Variants in HTR3B observed in about 807,000 individuals in gnomAD.
HTR3B encodes the protein 5-hydroxytryptamine (serotonin) receptor 3B, ionotropic.
In HTR3B, 44 loss-of-function variants were observed where a neutral mutation model predicts 42.8. The observed-to-expected ratio is 1.03, with a 90% CI of 0.81 to 1.32. The LOEUF is 1.32. Ranked by LOEUF, HTR3B falls within the 40% of genes most tolerant of loss-of-function variation. HTR3B has a pLI of 0.00. For missense variants in HTR3B, 527 were observed against 536.5 expected (o/e 0.98, Z 0.17); for synonymous variants, 203 against 209.0 (o/e 0.97, Z 0.25).
intron 2 of HTR3B, among the ~76,000 whole-genome samples, chr11:113,928,512 C>G (rs1949998337): frequency 6.6e-6 from 1 of 152,148 alleles, no homozygotes; most frequent in South Asian, 2.1e-4. Context: ...CAAGGTTCAT[C>G]CATGTTGTAA....
chr11:113,945,776 A>G, intron 8 of HTR3B, 126 bp from the exon 9 acceptor site: 2 of 691,766 alleles, frequency 2.9e-6, no homozygotes, highest in Non-Finnish European at 5.1e-6. Flanking sequence ...CCCAACCCAA[A>G]CACAACCCAC....
At chr11:113,932,203 TG>T in intron 4 of HTR3B, 85 bp from the exon 5 acceptor site, 1 of 1,111,510 alleles carries the variant, frequency 9.0e-7, no homozygotes, top group Non-Finnish European at 1.3e-6. Context: ...CTGGACCTCA[TG>T]GTCACTACCA....
intron 6 of HTR3B, 108 bp from the exon 7 acceptor site, chr11:113,942,874 T>C: frequency 1.2e-6 from 1 of 863,200 alleles, no homozygotes. Flanking sequence ...TTTTTCACAT[T>C]ATGCAAAAAC....
intron 2 of HTR3B, among the ~76,000 whole-genome samples, chr11:113,922,408 A>G (rs1464349206): frequency 6.6e-6 from 1 of 151,238 alleles, no homozygotes. Context: ...TAATTTTTGT[A>G]TTTTTTGTAG....
chr11:113,939,888 GT>G (rs60017270), intron 6 of HTR3B, among the ~76,000 whole-genome samples: 243 of 137,900 alleles, frequency 1.8e-3, no homozygotes, highest in Admixed American at 2.5e-3. Context: ...TCCCCTTGGT[GT>G]TTTTTTTTTT....
upstream of HTR3B, among the ~76,000 whole-genome samples, chr11:113,900,150 C>T (rs954179891): frequency 6.6e-6 from 1 of 151,870 alleles, no homozygotes; most frequent in Admixed American, 6.6e-5. Context: ...CCCAGCTACT[C>T]GGGAGGCTGA....
intron 6 of HTR3B, among the ~76,000 whole-genome samples, chr11:113,937,240 T>A (rs1409735545): frequency 6.6e-6 from 1 of 152,218 alleles, no homozygotes; most frequent in East Asian, 1.9e-4. Flanking sequence ...TTGCATGATC[T>A]GCAGAGAGGT....
At chr11:113,925,094 C>T (rs145225595) in intron 2 of HTR3B, among the ~76,000 whole-genome samples, 38 of 151,820 alleles carry the variant, frequency 2.5e-4, no homozygotes, top group Middle Eastern at 3.4e-3. Context: ...CACAATTCCA[C>T]GAGCACCATC....
intron 2 of HTR3B, among the ~76,000 whole-genome samples, chr11:113,911,258 T>A (rs1399606724): frequency 1.3e-5 from 2 of 152,130 alleles, no homozygotes; most frequent in Non-Finnish European, 2.9e-5. Flanking sequence ...TGAGACAGAG[T>A]CTGGCTCTGT....
chr11:113,932,305 TA>T lies in HTR3B; in HGVS notation c.386del (p.Tyr129SerfsTer9). Reference sequence around the variant, plus strand: ...TTCATATAGTGTGGACATTGAAAGATACCCTGACCTTCCCTATGTTTATGTG... The same window carrying T: ...TTCATATAGTGTGGACATTGAAAGATCCCTGACCTTCCCTATGTTTATGTG... ...IINEFVDIER[Y>X]PDLPYVYVNS... On this transcript the variant is annotated frameshift_variant, in exon 5 of 9. Coordinates refer to ENST00000260191, the MANE Select transcript of HTR3B (RefSeq NM_006028.5). LOFTEE classifies it high-confidence loss of function. 1 of 1,612,584 alleles carries T rather than the reference TA, an allele frequency of 6.2e-7. No homozygotes were observed. The highest frequency in any genetic ancestry group is 8.5e-7 in the Non-Finnish European group (1 of 1,178,960).
intron 2 of HTR3B, among the ~76,000 whole-genome samples, chr11:113,925,947 A>G (rs1386016552): frequency 6.6e-6 from 1 of 152,240 alleles, no homozygotes; most frequent in East Asian, 1.9e-4. Flanking sequence ...CAGTTATGCA[A>G]CCATCACCAC....
chr11:113,919,487 G>A (rs1375518224), intron 2 of HTR3B, among the ~76,000 whole-genome samples: 1 of 152,144 alleles, frequency 6.6e-6, no homozygotes, highest in Non-Finnish European at 1.5e-5. Flanking sequence ...TTTTGGGACT[G>A]AGAATTAGGC....
At chr11:113,911,335 A>T (rs1338352613) in intron 2 of HTR3B, among the ~76,000 whole-genome samples, 1 of 151,316 alleles carries the variant, frequency 6.6e-6, no homozygotes, top group Non-Finnish European at 1.5e-5. Context: ...GGTTCAAGTG[A>T]TTCTCCTGCC....
chr11:113,932,496 G>T (rs765204032), intron 5 of HTR3B, 38 bp downstream of exon 5: 2 of 1,473,928 alleles, frequency 1.4e-6, no homozygotes, highest in African/African-American at 2.8e-5. Flanking sequence ...CTAGGTTGGT[G>T]CACATAGGTG....
upstream of HTR3B, among the ~76,000 whole-genome samples, chr11:113,904,335 T>C (rs1239944511): frequency 6.6e-6 from 1 of 152,258 alleles, no homozygotes; most frequent in Non-Finnish European, 1.5e-5. Flanking sequence ...AATGTTTCTT[T>C]TAATTAAAAG....
In HTR3B at chr11:113,932,478, C is replaced by A; in HGVS notation, c.538+20C>A. 1.3e-6 allele frequency: 2 copies of A among 1,593,354 alleles called. No homozygotes were observed. The highest frequency in any genetic ancestry group is 1.3e-5 in the African/African-American group (1 of 74,568). On this transcript the variant is annotated intron_variant, in intron 5 of 8. Coordinates refer to ENST00000260191, the MANE Select transcript of HTR3B (RefSeq NM_006028.5). ...ATACAGGTAAACCATGAGAGATACC[C>A]ATTAATGCTAGGTTGGTGCACATAG...
At chr11:113,944,450 A>G in intron 7 of HTR3B, 123 bp from the exon 8 acceptor site, 1 of 834,090 alleles carries the variant, frequency 1.2e-6, no homozygotes, top group Non-Finnish European at 1.9e-6. Context: ...ACAGTGAGCC[A>G]TGATTGCACC....
At chr11:113,921,719 G>A (rs1949916817) in intron 2 of HTR3B, among the ~76,000 whole-genome samples, 1 of 152,076 alleles carries the variant, frequency 6.6e-6, no homozygotes, top group African/African-American at 2.4e-5. Context: ...CTTGGAACAA[G>A]TGTATCGAAT....
chr11:113,909,350 C>T lies in HTR3B; in HGVS notation c.108C>T (p.Ser36=), dbSNP rs1019007467. ...HPQDSALYHL[S]KQLLQKYHKE... ...AGGATTCTGCTCTGTATCATCTCAGCAAGCAGCTATTACAGAAATATCATA... is the reference window on the plus strand; with the variant it reads ...AGGATTCTGCTCTGTATCATCTCAGTAAGCAGCTATTACAGAAATATCATA... The change falls in exon 2 of 9, where the codon AGC becomes AGT. Residue 36 remains serine, a synonymous_variant. Coordinates refer to ENST00000260191, the MANE Select transcript of HTR3B (RefSeq NM_006028.5). 6 of 1,612,314 alleles carry T rather than the reference C, an allele frequency of 3.7e-6. No individual in the cohort carries two copies. In the African/African-American group the frequency reaches 8.0e-5, roughly 22 times the overall value.
Sources: gnomAD v4.1 joint callset for allele counts (sites outside exome capture counted in the v4.1 genomes callset) on GRCh38, gnomAD v4.1.1 for gene constraint, MANE v1.5 for transcripts, NCBI Gene and HGNC (gene_info 2026-07-23, HGNC 2026-07-21) for gene names.